KIFAP3: variants seen among roughly 807,000 people sequenced by gnomAD.
KIFAP3 encodes kinesin associated protein 3.
Under a neutral mutation model 106.5 loss-of-function variants are expected in KIFAP3, and 68 were observed. The observed-to-expected ratio is 0.64, with a 90% confidence interval of 0.53 to 0.78. KIFAP3 has a LOEUF of 0.78. Ranked by LOEUF, KIFAP3 falls within the 30% of genes least tolerant of loss-of-function variation. The pLI is 0.00. For synonymous variants in KIFAP3, 320 were observed against 311.5 expected (o/e 1.03, Z -0.29); for missense variants, 780 against 941.8 (o/e 0.83, Z 2.25).
intron 19 of KIFAP3, among the ~76,000 whole-genome samples, chr1:169,949,373 AAAG>A (rs999385685): frequency 2.0e-5 from 3 of 152,078 alleles, no homozygotes; most frequent in Admixed American, 6.5e-5. Context: ...TGCCAACCAC[AAAG>A]AAGAACTCCA....
exon 1 of KIFAP3, chr1:170,085,127 C>T (rs1270553469): frequency 1.3e-5 from 2 of 152,162 alleles, no homozygotes; most frequent in African/African-American, 4.8e-5. Context: ...TGCCACCTTT[C>T]CAATTAGTTT....
intron 19 of KIFAP3, among the ~76,000 whole-genome samples, chr1:169,939,387 G>C (rs1663982754): frequency 6.6e-6 from 1 of 152,138 alleles, no homozygotes; most frequent in South Asian, 2.1e-4. Context: ...TGGGATGGTG[G>C]TGACACATAC....
chr1:169,989,325 T>C (rs1480600426), intron 11 of KIFAP3, among the ~76,000 whole-genome samples: 4 of 106,010 alleles, frequency 3.8e-5, no homozygotes, highest in Admixed American at 2.1e-4. Flanking sequence ...TTGGTTTGCA[T>C]TTATTTATCT....
At chr1:170,059,066 A>G (rs986752247) in intron 1 of KIFAP3, among the ~76,000 whole-genome samples, 1 of 152,230 alleles carries the variant, frequency 6.6e-6, no homozygotes, top group African/African-American at 2.4e-5. Flanking sequence ...AAGAGTAAGC[A>G]GGAAAGATCT....
intron 19 of KIFAP3, among the ~76,000 whole-genome samples, chr1:169,936,726 T>TCCAC (rs1265224724): frequency 2.0e-5 from 3 of 151,548 alleles, no homozygotes; most frequent in Admixed American, 6.6e-5. Flanking sequence ...AATGACACAC[T>TCCAC]CCACATAGCA....
chr1:169,964,965 A>G (rs1665530437), intron 17 of KIFAP3, among the ~76,000 whole-genome samples: 1 of 152,206 alleles, frequency 6.6e-6, no homozygotes, highest in Non-Finnish European at 1.5e-5. Context: ...AAGAGTGATC[A>G]CATAATCATA....
intron 19 of KIFAP3, among the ~76,000 whole-genome samples, chr1:169,931,964 T>TTAG (rs1403702098): frequency 1.3e-5 from 2 of 152,214 alleles, no homozygotes; most frequent in African/African-American, 4.8e-5. Flanking sequence ...ATTTGTTTTT[T>TTAG]TAGACTGAAA....
At chr1:170,045,667 T>C (rs2102082816) in intron 3 of KIFAP3, among the ~76,000 whole-genome samples, 1 of 152,340 alleles carries the variant, frequency 6.6e-6, no homozygotes, top group South Asian at 2.1e-4. Flanking sequence ...TGAGTTTTTA[T>C]TGTTTTCTAC....
At chr1:170,008,687 TCAA>T (rs1668094304) in intron 10 of KIFAP3, among the ~76,000 whole-genome samples, 1 of 152,148 alleles carries the variant, frequency 6.6e-6, no homozygotes, top group Non-Finnish European at 1.5e-5. Flanking sequence ...GTAAATTAGT[TCAA>T]CCATTGTGGA....
chr1:170,030,957 G>A (rs979026369), intron 8 of KIFAP3, among the ~76,000 whole-genome samples: 2 of 151,666 alleles, frequency 1.3e-5, no homozygotes, highest in African/African-American at 4.8e-5. Flanking sequence ...TTGTCTATCA[G>A]TTATACCTCA....
At chr1:170,016,988 G>A (rs1668553654) in intron 9 of KIFAP3, among the ~76,000 whole-genome samples, 3 of 152,218 alleles carry the variant, frequency 2.0e-5, no homozygotes, top group African/African-American at 4.8e-5. Context: ...GCTGGGCACA[G>A]TGGCTCACGC....
intron 16 of KIFAP3, 72 bp from the exon 17 acceptor site, chr1:169,972,670 A>T (rs575915773): frequency 4.4e-6 from 3 of 684,722 alleles, no homozygotes; most frequent in Admixed American, 6.6e-5. Context: ...CAAAAATCTC[A>T]TATTTTTCTA....
intron 1 of KIFAP3, among the ~76,000 whole-genome samples, chr1:170,073,884 A>T (rs1200974328): frequency 2.6e-5 from 4 of 152,216 alleles, no homozygotes; most frequent in African/African-American, 9.6e-5. Context: ...TACAAAAATT[A>T]TGTTGTATAC....
intron 17 of KIFAP3, among the ~76,000 whole-genome samples, chr1:169,970,862 G>T (rs1665888348): frequency 6.6e-6 from 1 of 151,972 alleles, no homozygotes; most frequent in African/African-American, 2.4e-5. Context: ...TTAAAGTGCG[G>T]AAATGAAGGA....
chr1:170,070,262 G>C (rs2102174120), intron 1 of KIFAP3, among the ~76,000 whole-genome samples: 1 of 152,106 alleles, frequency 6.6e-6, no homozygotes, highest in East Asian at 1.9e-4. Context: ...TATTCCCAAA[G>C]TTTCAATAGC....
intron 12 of KIFAP3, among the ~76,000 whole-genome samples, chr1:169,983,796 A>G (rs985029534): frequency 1.3e-5 from 2 of 151,936 alleles, no homozygotes; most frequent in Non-Finnish European, 2.9e-5. Context: ...TTATCCTAAC[A>G]ATATAAAAAT....
intron 11 of KIFAP3, among the ~76,000 whole-genome samples, chr1:169,990,791 T>G (rs1481946182): frequency 6.6e-6 from 1 of 152,098 alleles, no homozygotes; most frequent in Non-Finnish European, 1.5e-5. Flanking sequence ...TATTTAGACC[T>G]AACATATAAT....
Position 170,047,620 on chromosome 1 carries a change from CAA to C in KIFAP3, c.165-756_165-755del, listed in dbSNP as rs1165754265. On this transcript the variant is annotated intron_variant, in intron 2 of 19. Transcript: ENST00000361580. ...TGTGTGACAGGGCGAGGCTCTGTCT[CAA>C]AAAAAAAAAAAAAAAAAAAAAAGTG... 2.5e-3 allele frequency among the ~76,000 whole-genome samples: 114 copies of C among 46,188 alleles called. 1 individual carries two copies. The highest frequency in any genetic ancestry group is 0.011 in the Middle Eastern group (1 of 90). The allele number at this position is 46,188 out of a possible 152,430, so 30.3% of individuals were successfully genotyped here.
chr1:170,043,775 G>C (rs925187178), intron 3 of KIFAP3, among the ~76,000 whole-genome samples: 2 of 152,176 alleles, frequency 1.3e-5, no homozygotes, highest in Admixed American at 6.5e-5. Flanking sequence ...CATCCCAGCA[G>C]AGTGAAAATC....
Sources: allele counts gnomAD v4.1 joint callset (sites outside exome capture counted in the v4.1 genomes callset), GRCh38; gene constraint gnomAD v4.1.1; transcripts MANE v1.5; gene names NCBI Gene and HGNC (gene_info 2026-07-23, HGNC 2026-07-21).